HELZ: variants seen among roughly 807,000 people sequenced by gnomAD.
HELZ encodes the protein ATP-dependent RNA helicase with zinc finger domain.
HELZ carries 23 observed loss-of-function variants against 218.2 expected under a neutral mutation model. The observed-to-expected ratio is 0.11, with a 90% CI of 0.08 to 0.15. HELZ has a LOEUF of 0.15. Ranked by LOEUF, HELZ falls within the 10% of genes least tolerant of loss-of-function variation. HELZ has a pLI of 1.00. For missense variants in HELZ, 1,813 were observed against 2,353.7 expected (o/e 0.77, Z 4.75); for synonymous variants, 814 against 829.4 (o/e 0.98, Z 0.32).
At chr17:67,205,745 T>C (rs1940390570) in intron 5 of HELZ, among the ~76,000 whole-genome samples, 1 of 152,362 alleles carries the variant, frequency 6.6e-6, no homozygotes, top group Admixed American at 6.5e-5. Flanking sequence ...TCTTTGGTTT[T>C]GTATGAGGTA....
At chr17:67,229,104 A>G (rs914843982) in intron 3 of HELZ, among the ~76,000 whole-genome samples, 1 of 152,224 alleles carries the variant, frequency 6.6e-6, no homozygotes, top group Admixed American at 6.5e-5. Flanking sequence ...GGCCCTGGTA[A>G]GCCAGTGTGG....
In HELZ at chr17:67,107,617, G is replaced by T; in HGVS notation, c.4793C>A (p.Pro1598Gln). 1 of 1,614,018 alleles carries T rather than the reference G, an allele frequency of 6.2e-7. No homozygotes were observed. ...QSETRELAEM[P>Q]PPQSRLLQYR... The stretch of plus-strand genomic sequence containing the variant: ...TTGCAAAAGTCTTGATTGAGGTGGT[G>T]GCATTTCAGCTAGTTCCCGTGTTTC... The change falls in exon 31 of 33, where the codon CCA becomes CAA. Residue 1598 changes from proline (P) to glutamine (Q), a missense_variant. Around this residue, in one of 4 missense-constraint regions of HELZ, gnomAD observed 938 missense variants for 1,027.5 expected, o/e 0.91. Coordinates refer to ENST00000358691, the MANE Select transcript of HELZ (RefSeq NM_014877.4).
rs542144528 is a variant in HELZ at position 67,209,838 on chromosome 17, C to T, written c.247+6061G>A. ...TATTTCAGAGGGCCCAACCCTGTGA[C>T]AATTTTAAATAAATACTGTTAACTC... On this transcript the variant is annotated intron_variant, in intron 5 of 32. Transcript: ENST00000358691. Among the ~76,000 whole-genome samples the T allele has an allele frequency of 2.0e-5, 3 of 152,258 alleles. No homozygotes were observed. In the South Asian group the frequency reaches 6.2e-4, roughly 32 times the overall value.
At chr17:67,124,338 T>C (rs996553996) in intron 24 of HELZ, among the ~76,000 whole-genome samples, 4 of 152,132 alleles carry the variant, frequency 2.6e-5, no homozygotes, top group South Asian at 2.1e-4. Flanking sequence ...TTTGCAGAAA[T>C]AGAATTGCAG....
intron 16 of HELZ, 26 bp downstream of exon 16, chr17:67,160,871 T>A: frequency 6.5e-7 from 1 of 1,537,026 alleles, no homozygotes; most frequent in Non-Finnish European, 8.8e-7. Context: ...ACCAGGGAAA[T>A]ATGAGCACGC....
Position 67,099,163 on chromosome 17 carries a change from C to A in HELZ, c.5241+8006G>T, listed in dbSNP as rs150102153. On this transcript the variant is annotated intron_variant, in intron 31 of 32. Coordinates refer to ENST00000358691, the MANE Select transcript of HELZ (RefSeq NM_014877.4). ...TGTTTCTATTCTTATCTTTTATTTT[C>A]TTTTCTTATTTCTTGACTTTGTTTC... Among the ~76,000 whole-genome samples the A allele has an allele frequency of 7.4e-3, 1,123 of 151,990 alleles. 32 individuals are homozygous for A. The highest frequency in any genetic ancestry group is 0.052 in the Admixed American group (789 of 15,258).
At chr17:67,230,451 G>A (rs1046899940) in intron 3 of HELZ, among the ~76,000 whole-genome samples, 20 of 152,058 alleles carry the variant, frequency 1.3e-4, no homozygotes, top group African/African-American at 4.8e-4. Flanking sequence ...CAAAAAATTA[G>A]CTGGGGTTGG....
At chr17:67,201,881 A>G (rs2143106874) in intron 6 of HELZ, among the ~76,000 whole-genome samples, 1 of 152,290 alleles carries the variant, frequency 6.6e-6, no homozygotes, top group East Asian at 1.9e-4. Flanking sequence ...TTCATTTATG[A>G]ATCTGGTGAA....
In HELZ at chr17:67,090,815, G is replaced by A. The variant is rs142269092; in HGVS notation, c.5242-3734C>T. Among the ~76,000 whole-genome samples the A allele has an allele frequency of 1.1e-3, 160 of 151,948 alleles. 1 individual carries two copies. The highest frequency in any genetic ancestry group is 3.8e-3 in the African/African-American group (157 of 41,462). ...GTTTATCAATTTTACTAATCTTTCC[G>A]AACAACTAACTGGGTTTTATTGATT... On this transcript the variant is annotated intron_variant, in intron 31 of 32. Coordinates refer to ENST00000358691, the MANE Select transcript of HELZ (RefSeq NM_014877.4).
intron 6 of HELZ, 152 bp downstream of exon 6, chr17:67,203,167 G>T: frequency 3.0e-6 from 2 of 664,320 alleles, no homozygotes; most frequent in Non-Finnish European, 2.5e-6. Flanking sequence ...AAGAAAAATG[G>T]GTACTATATC....
intron 5 of HELZ, among the ~76,000 whole-genome samples, chr17:67,210,461 A>C (rs1598428820): frequency 6.6e-6 from 1 of 152,328 alleles, no homozygotes; most frequent in East Asian, 1.9e-4. Context: ...TCTTACATTA[A>C]CAAAACTCTT....
chr17:67,225,700 G>T (rs75305208), intron 3 of HELZ, among the ~76,000 whole-genome samples: 1 of 152,104 alleles, frequency 6.6e-6, no homozygotes, highest in South Asian at 2.1e-4. Flanking sequence ...CCATAAAATG[G>T]TAACATTTGC....
chr17:67,083,196 T>G (rs564154278), intron 32 of HELZ, among the ~76,000 whole-genome samples: 1 of 152,176 alleles, frequency 6.6e-6, no homozygotes, highest in Non-Finnish European at 1.5e-5. Context: ...ACTTAGAAAA[T>G]AATAGTTTAG....
At position 67,182,743 on chromosome 17, in the gene HELZ, ACTACT is replaced by A. The variant is rs1398178429; in HGVS notation, c.1163-3822_1163-3818del. Among the ~76,000 whole-genome samples the A allele has an allele frequency of 2.0e-5, 3 of 152,348 alleles. No individual in the cohort carries two copies. In the South Asian group the frequency reaches 6.2e-4, roughly 32 times the overall value. On this transcript the variant is annotated intron_variant, in intron 12 of 32. Transcript: ENST00000358691. ...AAAAATAGAATTCAAGGTTGAAATAACTACTCTAACACAAGATACATTTCCCAACT... is the reference window on the plus strand; with the variant it reads ...AAAAATAGAATTCAAGGTTGAAATAACTAACACAAGATACATTTCCCAACT...
chr17:67,144,925 T>C (rs1389832499), intron 21 of HELZ, among the ~76,000 whole-genome samples: 1 of 152,246 alleles, frequency 6.6e-6, no homozygotes, highest in Non-Finnish European at 1.5e-5. Context: ...GCTAGGATTT[T>C]ATCAAGTGAG....
chr17:67,196,564 GGTTA>G (rs199846568), intron 7 of HELZ, among the ~76,000 whole-genome samples: 9 of 134,632 alleles, frequency 6.7e-5, no homozygotes, highest in African/African-American at 2.9e-4. Flanking sequence ...ATAGATGGTT[GGTTA>G]GTTGGATGGA....
At chr17:67,244,515 G>A in intron 1 of HELZ, 1 of 805,448 alleles carries the variant, frequency 1.2e-6, no homozygotes, top group South Asian at 5.7e-5. Flanking sequence ...GAATCTCCAG[G>A]AAAAGAGAGC....
chr17:67,118,522 A>C (rs183940338), intron 27 of HELZ, among the ~76,000 whole-genome samples: 1 of 152,164 alleles, frequency 6.6e-6, no homozygotes, highest in East Asian at 1.9e-4. Flanking sequence ...GGACTTCAAC[A>C]AAAATAAAAG....
At chr17:67,096,418 C>G (rs1012678023) in intron 31 of HELZ, among the ~76,000 whole-genome samples, 17 of 152,218 alleles carry the variant, frequency 1.1e-4, no homozygotes, top group Non-Finnish European at 2.9e-5. Context: ...TTCTTCCTCT[C>G]TACCTGAGAA....
Sources: gnomAD v4.1 joint callset for allele counts (sites outside exome capture counted in the v4.1 genomes callset) on GRCh38, gnomAD v4.1.1 for gene constraint, gnomAD v4.1.1 regional missense constraint, MANE v1.5 for transcripts, NCBI Gene and HGNC (gene_info 2026-07-23, HGNC 2026-07-21) for gene names.